SYNE2: variants seen among roughly 807,000 people sequenced by gnomAD.
SYNE2 encodes the protein spectrin repeat containing nuclear envelope protein 2.
In SYNE2, 431 loss-of-function variants were observed where a neutral mutation model predicts 856.3. That is an observed-to-expected ratio of 0.50 (90% CI 0.47 to 0.55). The LOEUF (loss-of-function observed/expected upper bound fraction) is 0.55, where lower values mean the gene tolerates loss of function less well. Among genes scored for constraint, SYNE2 ranks in the 20% least tolerant of loss-of-function variants. The pLI is 0.00. For synonymous variants in SYNE2, 2,923 were observed against 2,872.3 expected (o/e 1.02, Z -0.56); for missense variants, 8,129 against 8,023.2 (o/e 1.01, Z -0.50).
intron 99 of SYNE2, chr14:64,202,043 G>A (rs770515740): frequency 8.2e-6 from 5 of 608,668 alleles, no homozygotes; most frequent in South Asian, 3.9e-5. Context: ...GGACGTGCAC[G>A]CCAAGTTGTA....
chr14:63,791,951 AAAAC>A (rs1470879233), intron 1 of SYNE2, among the ~76,000 whole-genome samples: 3 of 151,594 alleles, frequency 2.0e-5, no homozygotes, highest in African/African-American at 7.3e-5. Context: ...CTCAAAAAAA[AAAAC>A]AAAAACAAAA....
At chr14:64,007,327 G>C (rs2096804388) in intron 31 of SYNE2, 105 bp downstream of exon 31, 5 of 1,051,828 alleles carry the variant, frequency 4.8e-6, no homozygotes, top group Non-Finnish European at 7.4e-6. Flanking sequence ...ACCCAAAGGA[G>C]GGACAAACAT....
chr14:64,088,484 C>T lies in SYNE2; in HGVS notation c.11670+628C>T, dbSNP rs143945001. Among the ~76,000 whole-genome samples the T allele has an allele frequency of 5.1e-3, 780 of 152,170 alleles. 7 individuals carry two copies. The highest frequency in any genetic ancestry group is 0.029 in the South Asian group (141 of 4,820). ...ATTAAAAGAGATAGTTCTGGCTGGGCGTGGTGCCCAGCACGGTGGCTCACG... is the reference window on the plus strand; with the variant it reads ...ATTAAAAGAGATAGTTCTGGCTGGGTGTGGTGCCCAGCACGGTGGCTCACG... On this transcript the variant is annotated intron_variant, in intron 58 of 115. Transcript: ENST00000555002.
chr14:64,052,606 T>C lies in SYNE2; in HGVS notation c.8693T>C (p.Leu2898Pro). 1 of 1,614,120 alleles carries C rather than the reference T, an allele frequency of 6.2e-7. No individual in the cohort carries two copies. Among genetic ancestry groups the C allele is most frequent in the Non-Finnish European group, 8.5e-7 (1 of 1,180,028 alleles). ...DSGISTHLQE[L>P]TNIYEELNVF... ...GGAATCTCAACACATCTTCAGGAGC[T>C]AACAAACATCTATGAGGAGCTGAAT... The change falls in exon 48 of 116, where the codon CTA becomes CCA. Residue 2898 changes from leucine (L) to proline (P), a missense_variant. Transcript: ENST00000555002.
At chr14:64,034,876 C>T (rs945161958) in intron 45 of SYNE2, among the ~76,000 whole-genome samples, 2 of 151,318 alleles carry the variant, frequency 1.3e-5, no homozygotes, top group Non-Finnish European at 2.9e-5. Flanking sequence ...TTTATGTGCC[C>T]ATAAAGAGAA....
intron 58 of SYNE2, 112 bp from the exon 59 acceptor site, chr14:64,089,462 A>G: frequency 1.1e-6 from 1 of 928,270 alleles, no homozygotes; most frequent in Non-Finnish European, 1.6e-6. Context: ...AGAGGTATAG[A>G]TGGCAGACAT....
chr14:64,039,323 G>C lies in SYNE2; in HGVS notation c.7221+7966G>C, dbSNP rs779231868. 5.5e-4 allele frequency among the ~76,000 whole-genome samples: 84 copies of C among 152,346 alleles called. 1 individual carries two copies. Among genetic ancestry groups the C allele is most frequent in the Non-Finnish European group, 9.8e-4 (67 of 68,030 alleles). ...CCTGAATGGGAAAAGGGATAGTGAA[G>C]GTTACTGACTTGCCTCTTGTGACTG... On this transcript the variant is annotated intron_variant, in intron 45 of 115. Transcript: ENST00000555002.
At chr14:63,927,721 G>A (rs192614380) in intron 2 of SYNE2, among the ~76,000 whole-genome samples, 3 of 151,968 alleles carry the variant, frequency 2.0e-5, no homozygotes, top group South Asian at 2.1e-4. Context: ...GTGAAACCCC[G>A]CCTCTACTAA....
At chr14:64,224,907 G>A (rs1034777421) in intron 114 of SYNE2, 92 bp from the exon 115 acceptor site, 48 of 1,182,996 alleles carry the variant, frequency 4.1e-5, no homozygotes, top group Non-Finnish European at 5.2e-5. Flanking sequence ...CATAAAGGTG[G>A]TATATAATTT....
rs778840882 is a variant in SYNE2 at position 64,007,149 on chromosome 14, G to GA, written c.4510dup (p.Thr1504AsnfsTer25). ...TCTTCCACACTTCAAAGATGGCAGA[G>GA]AAAAAACCGTGAATCAACAGTGCCA... is the stretch of plus-strand genomic sequence containing the variant. On this transcript the variant is annotated frameshift_variant, in exon 31 of 116. Coordinates refer to ENST00000555002, the MANE Select transcript of SYNE2 (RefSeq NM_182914.3). LOFTEE classifies it high-confidence loss of function. The GA allele has an allele frequency of 6.2e-7, 1 of 1,614,066 alleles. No homozygotes were observed. Among genetic ancestry groups the GA allele is most frequent in the Non-Finnish European group, 8.5e-7 (1 of 1,179,980 alleles).
At chr14:64,027,889 T>C (rs758355738) in intron 43 of SYNE2, 96 bp downstream of exon 43, 38 of 1,010,126 alleles carry the variant, frequency 3.8e-5, no homozygotes, top group Non-Finnish European at 5.3e-5. Context: ...GTTCATTTTG[T>C]TTTGTTTTAT....
At chr14:63,819,081 T>C (rs769609290) in intron 1 of SYNE2, among the ~76,000 whole-genome samples, 5 of 151,568 alleles carry the variant, frequency 3.3e-5, no homozygotes, top group Non-Finnish European at 7.4e-5. Context: ...ATTCAAATTG[T>C]GAAGGAAGTG....
At chr14:64,141,197 G>A (rs1428741583) in intron 80 of SYNE2, 144 bp from the exon 81 acceptor site, 5 of 666,332 alleles carry the variant, frequency 7.5e-6, no homozygotes, top group Non-Finnish European at 1.3e-5. Context: ...ATGCCCAACA[G>A]TAGGAAAAAG....
chr14:64,010,147 CCAGTGACCT>C (rs768189052), intron 32 of SYNE2, 31 bp downstream of exon 32: 13 of 1,594,820 alleles, frequency 8.2e-6, no homozygotes, highest in Middle Eastern at 1.7e-4. Flanking sequence ...AAAAAACTGC[CCAGTGACCT>C]CACTGACAGG....
In SYNE2 at chr14:63,836,097, A is replaced by G. The variant is rs112571052; in HGVS notation, c.-304-16404A>G. On this transcript the variant is annotated intron_variant, in intron 1 of 23. Coordinates refer to the SYNE2 transcript ENST00000674003. The stretch of plus-strand genomic sequence containing the variant: ...GTCACTCAGGCTGGAGTGCAGTGCA[A>G]TGCAGCCTCGACTTCCTTGGCTCAG... 5.7e-3 allele frequency among the ~76,000 whole-genome samples: 866 copies of G among 152,142 alleles called. 5 individuals carry two copies. The highest frequency in any genetic ancestry group is 0.019 in the African/African-American group (797 of 41,496).
chr14:63,763,325 A>C (rs1055976528), intron 1 of SYNE2, among the ~76,000 whole-genome samples: 1 of 152,212 alleles, frequency 6.6e-6, no homozygotes, highest in Non-Finnish European at 1.5e-5. Flanking sequence ...TACTGTAAAG[A>C]AGTAATGCCC....
intron 45 of SYNE2, among the ~76,000 whole-genome samples, chr14:64,043,744 T>A (rs2097166122): frequency 6.6e-6 from 1 of 152,166 alleles, no homozygotes; most frequent in East Asian, 1.9e-4. Flanking sequence ...TGAATATGTG[T>A]GGAAACACCT....
intron 2 of SYNE2, among the ~76,000 whole-genome samples, chr14:63,932,336 C>G (rs537367302): frequency 2.0e-5 from 3 of 152,112 alleles, no homozygotes; most frequent in African/African-American, 7.2e-5. Flanking sequence ...GAGCCGAGAT[C>G]GTGCCATTGC....
At chr14:64,044,433 A>C (rs187229656) in intron 45 of SYNE2, among the ~76,000 whole-genome samples, 190 of 152,308 alleles carry the variant, frequency 1.2e-3, no homozygotes, top group African/African-American at 4.2e-3. Context: ...GCTTTGTCTC[A>C]GATTACACTT....
Sources: allele counts gnomAD v4.1 joint callset (sites outside exome capture counted in the v4.1 genomes callset), GRCh38; gene constraint gnomAD v4.1.1; transcripts MANE v1.5; gene names NCBI Gene and HGNC (gene_info 2026-07-23, HGNC 2026-07-21).